GLRA1: variants seen among roughly 807,000 people sequenced by gnomAD.
GLRA1 encodes glycine receptor alpha 1.
Under a neutral mutation model 48.3 loss-of-function variants are expected in GLRA1, and 37 were observed. That is an observed-to-expected ratio of 0.77 (90% CI 0.59 to 1.01). The LOEUF is 1.01. Among genes scored for constraint, GLRA1 ranks in the 50% least tolerant of loss-of-function variants. The pLI is 0.00. For synonymous variants in GLRA1, 196 were observed against 210.7 expected (o/e 0.93, Z 0.60); for missense variants, 427 against 571.0 (o/e 0.75, Z 2.57).
intron 1 of GLRA1, among the ~76,000 whole-genome samples, chr5:151,910,119 A>G (rs1754573422): frequency 6.6e-6 from 1 of 152,162 alleles, no homozygotes; most frequent in African/African-American, 2.4e-5. Context: ...TCTCCTAAAT[A>G]CACGAAATAG....
chr5:151,832,299 G>A (rs1561547302), intron 7 of GLRA1, among the ~76,000 whole-genome samples: 1 of 152,194 alleles, frequency 6.6e-6, no homozygotes, highest in Non-Finnish European at 1.5e-5. Flanking sequence ...CAGAGAATGA[G>A]TTCGACAAAT....
chr5:151,860,052 G>A lies in GLRA1; in HGVS notation c.253-44C>T, dbSNP rs748259870. 12 of 1,475,606 alleles carry A rather than the reference G, an allele frequency of 8.1e-6. No individual in the cohort carries two copies. The African/African-American group carries it at 1.5e-4, about 19-fold the overall frequency. The allele number at this position is 1,475,606 out of a possible 1,614,324, so 91.4% of individuals were successfully genotyped here. On this transcript the variant is annotated intron_variant, in intron 3 of 8. Coordinates refer to ENST00000274576, the MANE Select transcript of GLRA1 (RefSeq NM_000171.4). The stretch of plus-strand genomic sequence containing the variant: ...AAGGTGAAGGCAATGTTAGGCCCAA[G>A]GACATCAACTTTTGGAGGACCTGGG...
intron 7 of GLRA1, among the ~76,000 whole-genome samples, chr5:151,849,505 CTTTCTTTCTTTCTTTT>C (rs1344586572): frequency 1.9e-5 from 2 of 103,822 alleles, no homozygotes; most frequent in Non-Finnish European, 3.6e-5. Context: ...TCTTTTCTTT[CTTTCTTTCTTTCTTTT>C]TTTCTTTCTT....
At chr5:151,915,482 A>T (rs967373921) in intron 1 of GLRA1, among the ~76,000 whole-genome samples, 4 of 152,200 alleles carry the variant, frequency 2.6e-5, no homozygotes, top group African/African-American at 9.7e-5. Context: ...TAGAAAAAGT[A>T]TAAGTGTTCA....
intron 3 of GLRA1, among the ~76,000 whole-genome samples, chr5:151,861,706 A>G (rs1753209614): frequency 1.3e-5 from 2 of 152,204 alleles, no homozygotes; most frequent in Non-Finnish European, 2.9e-5. Flanking sequence ...TAAAATACCT[A>G]GGAATCCAAC....
intron 7 of GLRA1, among the ~76,000 whole-genome samples, chr5:151,835,342 G>A (rs780503617): frequency 3.9e-5 from 6 of 152,084 alleles, no homozygotes; most frequent in Non-Finnish European, 8.8e-5. Context: ...TCTACAAGAG[G>A]TACAAAGAGG....
Position 151,856,338 on chromosome 5 carries a change from G to T in GLRA1, c.522C>A (p.Pro174=). The T allele has an allele frequency of 6.2e-7, 1 of 1,612,218 alleles. No individual in the cohort carries two copies. Among genetic ancestry groups the T allele is most frequent in the South Asian group, 1.1e-5 (1 of 91,006 alleles). The change falls in exon 5 of 9, where the codon CCC becomes CCA. Residue 174 remains proline (P), a synonymous_variant. Transcript: ENST00000274576. ...LACPMDLKNF[P]MDVQTCIMQL... ...GCATGATACATGTCTGGACATCCAT[G>T]GGGAAATTCTTCAAGTCCATGGGGC...
chr5:151,882,338 A>G (rs140003131), intron 3 of GLRA1, among the ~76,000 whole-genome samples: 120 of 152,288 alleles, frequency 7.9e-4, no homozygotes, highest in African/African-American at 2.7e-3. Flanking sequence ...AAACTTTCCC[A>G]CTTTATGGGG....
At chr5:151,861,595 T>C (rs1753205932) in intron 3 of GLRA1, among the ~76,000 whole-genome samples, 1 of 152,202 alleles carries the variant, frequency 6.6e-6, no homozygotes, top group Admixed American at 6.5e-5. Flanking sequence ...TGCTTGTAAA[T>C]TTGTTTGAGT....
At chr5:151,855,667 G>A (rs930526428) in intron 5 of GLRA1, among the ~76,000 whole-genome samples, 1 of 152,232 alleles carries the variant, frequency 6.6e-6, no homozygotes, top group Non-Finnish European at 1.5e-5. Context: ...GAATTGGTTT[G>A]TGCTGATTCC....
chr5:151,904,165 G>A (rs1185101248), intron 1 of GLRA1, among the ~76,000 whole-genome samples: 5 of 152,224 alleles, frequency 3.3e-5, no homozygotes, highest in Non-Finnish European at 4.4e-5. Flanking sequence ...TGTGGCCAAT[G>A]CCCCTTTACC....
At chr5:151,915,013 C>A (rs1754703668) in intron 1 of GLRA1, among the ~76,000 whole-genome samples, 1 of 152,172 alleles carries the variant, frequency 6.6e-6, no homozygotes, top group Non-Finnish European at 1.5e-5. Flanking sequence ...TAGTCACACC[C>A]AATTTTCAAT....
intron 8 of GLRA1, among the ~76,000 whole-genome samples, chr5:151,828,451 G>A (rs956444285): frequency 6.6e-6 from 1 of 152,190 alleles, no homozygotes; most frequent in African/African-American, 2.4e-5. Context: ...CTCTGGCAGA[G>A]ATCTTGCTTG....
At chr5:151,876,343 C>T (rs1202475516) in intron 3 of GLRA1, among the ~76,000 whole-genome samples, 2 of 152,070 alleles carry the variant, frequency 1.3e-5, no homozygotes, top group African/African-American at 4.8e-5. Flanking sequence ...AAGGTTTGAA[C>T]ATGGGGAGTA....
At chr5:151,828,851 G>T in intron 8 of GLRA1, 70 bp downstream of exon 8, 1 of 1,462,274 alleles carries the variant, frequency 6.8e-7, no homozygotes, top group South Asian at 1.2e-5. Context: ...AATAACACAA[G>T]ACAATACTGC....
At chr5:151,884,502 T>C (rs1753848607) in intron 3 of GLRA1, among the ~76,000 whole-genome samples, 1 of 152,108 alleles carries the variant, frequency 6.6e-6, no homozygotes, top group Non-Finnish European at 1.5e-5. Flanking sequence ...ATGATATCAG[T>C]ATGTTAATTA....
In GLRA1 at chr5:151,886,796, T is replaced by C. The variant is rs2113407425; in HGVS notation, c.185-8A>G. ...TCACGTTCACTGGGGGACCTGCCAA[T>C]CAAGAGAGATTCCTGCTTAGCCCCA... On this transcript the variant is annotated splice_polypyrimidine_tract_variant and splice_region_variant and intron_variant, in intron 2 of 8. Coordinates refer to ENST00000274576, the MANE Select transcript of GLRA1 (RefSeq NM_000171.4). 1 of 1,606,994 alleles carries C rather than the reference T, an allele frequency of 6.2e-7. No homozygotes were observed. The highest frequency in any genetic ancestry group is 2.2e-5 in the East Asian group (1 of 44,852).
At chr5:151,859,446 T>C (rs1416273210) in intron 4 of GLRA1, among the ~76,000 whole-genome samples, 1 of 152,260 alleles carries the variant, frequency 6.6e-6, no homozygotes, top group Non-Finnish European at 1.5e-5. Flanking sequence ...CTAGGCTTTA[T>C]GCCTTAGTTC....
intron 3 of GLRA1, among the ~76,000 whole-genome samples, chr5:151,868,561 G>A (rs541746025): frequency 7.2e-5 from 11 of 152,276 alleles, no homozygotes; most frequent in East Asian, 3.9e-4. Flanking sequence ...GAGCCCAAGC[G>A]TTTAACCAGT....
Sources: gnomAD v4.1 joint callset for allele counts (sites outside exome capture counted in the v4.1 genomes callset) on GRCh38, gnomAD v4.1.1 for gene constraint, MANE v1.5 for transcripts, NCBI Gene and HGNC (gene_info 2026-07-23, HGNC 2026-07-21) for gene names.